Variants in RASSF8 observed in about 807,000 individuals in gnomAD.
RASSF8 encodes Ras association domain family member 8, also known as ras association domain-containing protein 8.
In RASSF8, 22 loss-of-function variants were observed where a neutral mutation model predicts 48.5. The observed-to-expected ratio is 0.45, with a 90% CI of 0.32 to 0.65. The LOEUF is 0.65. Among genes scored for constraint, RASSF8 ranks in the 30% least tolerant of loss-of-function variants. RASSF8 has a pLI of 0.03. For missense variants in RASSF8, 418 were observed against 489.2 expected, an observed-to-expected ratio of 0.85 and a Z score of 1.37; for synonymous variants, 127 against 171.5, an observed-to-expected ratio of 0.74 and a Z score of 2.03.
intron 1 of RASSF8, among the ~76,000 whole-genome samples, chr12:25,990,920 C>T (rs1290754021): frequency 6.6e-6 from 1 of 152,196 alleles, no homozygotes; most frequent in Non-Finnish European, 1.5e-5. Context: ...TACACACACA[C>T]ACACACAGAA....
At chr12:25,996,773 G>A (rs1015793796) in intron 2 of RASSF8, among the ~76,000 whole-genome samples, 20 of 152,108 alleles carry the variant, frequency 1.3e-4, no homozygotes, top group African/African-American at 4.8e-4. Flanking sequence ...ACCTAGCATT[G>A]AGGTACATTT....
intron 1 of RASSF8, among the ~76,000 whole-genome samples, chr12:25,979,145 G>A (rs942293066): frequency 2.0e-5 from 3 of 152,112 alleles, no homozygotes; most frequent in Admixed American, 6.5e-5. Context: ...TCACTTATTC[G>A]ACATGATGAG....
intron 1 of RASSF8, among the ~76,000 whole-genome samples, chr12:25,970,571 G>T (rs1941462872): frequency 6.6e-6 from 1 of 152,056 alleles, no homozygotes; most frequent in African/African-American, 2.4e-5. Context: ...CATCCTCCAT[G>T]TTGCCGGATG....
chr12:25,971,579 GA>G (rs759901394), intron 1 of RASSF8, among the ~76,000 whole-genome samples: 9 of 147,192 alleles, frequency 6.1e-5, no homozygotes, highest in Middle Eastern at 3.4e-3. Context: ...GGAAAAAAAA[GA>G]AAAAAAAAGA....
chr12:26,017,241 A>G (rs1942672718), intron 2 of RASSF8, among the ~76,000 whole-genome samples: 1 of 152,210 alleles, frequency 6.6e-6, no homozygotes, highest in African/African-American at 2.4e-5. Context: ...TCTGTTGCAC[A>G]TTCATTTGCT....
In RASSF8 at chr12:26,069,474, T is replaced by C. The variant is rs1410679560; in HGVS notation, c.*656T>C. The C allele has an allele frequency of 1.0e-6, 1 of 985,378 alleles. No individual in the cohort carries two copies. The highest frequency in any genetic ancestry group is 1.2e-6 in the Non-Finnish European group (1 of 829,948). The allele number at this position is 985,378 out of a possible 1,614,324, so 61.0% of individuals were successfully genotyped here. A position where few individuals can be genotyped will look rare whatever the true frequency, so the allele number is the denominator to read the frequency against. ...CGTTCCTTTACAATATTTCCAAATA[T>C]ACGTGTGGCCACAGAGCATAACAGA... On this transcript the variant is annotated 3_prime_UTR_variant, in exon 6 of 6. Coordinates refer to ENST00000689635, the MANE Select transcript of RASSF8 (RefSeq NM_001394098.1).
At chr12:26,006,716 C>T (rs773268299) in intron 2 of RASSF8, among the ~76,000 whole-genome samples, 12 of 152,116 alleles carry the variant, frequency 7.9e-5, no homozygotes, top group Non-Finnish European at 1.6e-4. Flanking sequence ...TCTAGATACA[C>T]GCTTCGTTTC....
At chr12:25,984,757 T>C (rs1343496767) in intron 1 of RASSF8, among the ~76,000 whole-genome samples, 1 of 152,218 alleles carries the variant, frequency 6.6e-6, no homozygotes, top group African/African-American at 2.4e-5. Flanking sequence ...TCAAGGTAAC[T>C]TTTTCTTCTT....
intron 2 of RASSF8, among the ~76,000 whole-genome samples, chr12:26,041,505 A>G (rs1943264547): frequency 6.6e-6 from 1 of 152,098 alleles, no homozygotes; most frequent in African/African-American, 2.4e-5. Context: ...TTTAATGAGT[A>G]TGTACTATGT....
At chr12:26,073,748 TACACAC>T (rs5797160), downstream of RASSF8, among the ~76,000 whole-genome samples, 28 of 134,708 alleles carry the variant, frequency 2.1e-4, no homozygotes, top group South Asian at 4.8e-4. Flanking sequence ...TCTCTCTCTA[TACACAC>T]ACACACACAC....
At chr12:26,052,608 T>A (rs1513125) in intron 2 of RASSF8, 128,283 of 152,142 alleles carry the variant, frequency 0.84, 54,202 homozygotes, top group East Asian at 0.99. Flanking sequence ...ACAGTGTAGG[T>A]CTTCCATTTT....
chr12:25,985,160 AC>A (rs1252640337), intron 1 of RASSF8, among the ~76,000 whole-genome samples: 1 of 152,184 alleles, frequency 6.6e-6, no homozygotes, highest in African/African-American at 2.4e-5. Context: ...TTTTTGCCGC[AC>A]CAATCAGAAA....
intron 2 of RASSF8, among the ~76,000 whole-genome samples, chr12:26,012,775 G>A (rs554996136): frequency 6.6e-6 from 1 of 150,868 alleles, no homozygotes; most frequent in Non-Finnish European, 1.5e-5. Flanking sequence ...TGAACTCCTG[G>A]GCTCCATCAG....
chr12:26,023,742 T>C (rs1397476850), intron 2 of RASSF8, among the ~76,000 whole-genome samples: 1 of 152,150 alleles, frequency 6.6e-6, no homozygotes, highest in South Asian at 2.1e-4. Flanking sequence ...GTGTTTGTTC[T>C]TTTTTTATTC....
chr12:26,045,437 T>C (rs1943352140), intron 2 of RASSF8, among the ~76,000 whole-genome samples: 1 of 152,186 alleles, frequency 6.6e-6, no homozygotes, highest in South Asian at 2.1e-4. Flanking sequence ...TTTTCCTTAA[T>C]CTTACATATT....
chr12:25,988,933 C>T (rs1383726101), intron 1 of RASSF8, among the ~76,000 whole-genome samples: 1 of 152,146 alleles, frequency 6.6e-6, no homozygotes, highest in Non-Finnish European at 1.5e-5. Flanking sequence ...TTGTAATTTT[C>T]TTCACTTAAC....
chr12:26,068,973 G>A lies in RASSF8; in HGVS notation c.*155G>A, dbSNP rs573989464. 1.0e-5 allele frequency: 14 copies of A among 1,377,894 alleles called. No homozygotes were observed. In the African/African-American group the frequency reaches 1.9e-4, roughly 19 times the overall value. The allele number at this position is 1,377,894 out of a possible 1,614,324, so 85.4% of individuals were successfully genotyped here. On this transcript the variant is annotated 3_prime_UTR_variant, in exon 6 of 6. Transcript: ENST00000689635. ...CATACCACTTGGAGCCATACCCTGT[G>A]CACTGATGCTAAAGAACAAAGAAAC...
chr12:26,009,584 G>A (rs1942474381), intron 2 of RASSF8, among the ~76,000 whole-genome samples: 2 of 152,100 alleles, frequency 1.3e-5, no homozygotes, highest in African/African-American at 4.8e-5. Flanking sequence ...AGGAGGAGAG[G>A]ACTAATGATT....
At chr12:25,975,406 A>G (rs939294042) in intron 1 of RASSF8, among the ~76,000 whole-genome samples, 1 of 152,214 alleles carries the variant, frequency 6.6e-6, no homozygotes, top group Admixed American at 6.5e-5. Flanking sequence ...GGTTATGAGA[A>G]GCAGCTTTTC....
Sources: gnomAD v4.1 joint callset for allele counts (sites outside exome capture counted in the v4.1 genomes callset) on GRCh38, gnomAD v4.1.1 for gene constraint, MANE v1.5 for transcripts, NCBI Gene and HGNC (gene_info 2026-07-23, HGNC 2026-07-21) for gene names.